The following KDM4C variants were observed in gnomAD, a reference collection of about 807,000 sequenced individuals.
The protein encoded by KDM4C is lysine-specific demethylase 4C.
In KDM4C, 81 loss-of-function variants were observed where a neutral mutation model predicts 129.3. The observed-to-expected ratio is 0.63, with a 90% CI of 0.52 to 0.75. The LOEUF is 0.75. KDM4C is among the 30% of genes least tolerant of loss of function. KDM4C has a pLI of 0.00. For synonymous variants in KDM4C, 573 were observed against 456.1 expected (o/e 1.26, Z -3.26); for missense variants, 1,457 against 1,304.0 (o/e 1.12, Z -1.81).
chr9:6,919,542 T>C (rs1324000053), intron 8 of KDM4C, among the ~76,000 whole-genome samples: 1 of 71,384 alleles, frequency 1.4e-5, no homozygotes, highest in Non-Finnish European at 3.4e-5. Context: ...TGTCTGTCTG[T>C]CTGTCTATCT....
Position 7,169,872 on chromosome 9 carries a change from G to C in KDM4C, c.2976G>C (p.Lys992Asn), listed in dbSNP as rs1380717549. Residue 992 changes from lysine (K) to asparagine (N), a missense_variant, in exon 21 of 22, where the codon AAG becomes AAC. Lys to Asn is a moderately conservative substitution (Grantham distance 94). Transcript: ENST00000381309. ...ACACTTTAGATGAAGAGTTACCCAA[G>C]AGAGTGAAAGCTCGATTTGTAAGTG... ...DIYTLDEELP[K>N]RVKARFSTAS... is the part of the protein sequence containing the mutation. 1.9e-6 allele frequency: 3 copies of C among 1,614,054 alleles called. No homozygotes were observed. The highest frequency in any genetic ancestry group is 2.5e-6 in the Non-Finnish European group (3 of 1,179,958).
At chr9:6,747,003 CAAAAAAAAAAAAAA>C (rs58512756) in intron 1 of KDM4C, among the ~76,000 whole-genome samples, 4 of 50,554 alleles carry the variant, frequency 7.9e-5, no homozygotes, top group African/African-American at 1.3e-4. Flanking sequence ...GACTCCGTCT[CAAAAAAAAAAAAAA>C]AAAAAAAAAA....
intron 16 of KDM4C, among the ~76,000 whole-genome samples, chr9:7,047,406 A>T (rs1210788741): frequency 6.6e-6 from 1 of 150,762 alleles, no homozygotes; most frequent in East Asian, 2.0e-4. Context: ...GAAAACATTG[A>T]TGTTAAGATT....
intron 19 of KDM4C, among the ~76,000 whole-genome samples, chr9:7,161,143 C>T (rs556020285): frequency 1.6e-4 from 25 of 152,336 alleles, no homozygotes; most frequent in African/African-American, 5.5e-4. Context: ...GAGCCAGGCA[C>T]GGGAGAGAAT....
At chr9:6,767,241 C>G (rs1053095823) in intron 1 of KDM4C, among the ~76,000 whole-genome samples, 2 of 151,966 alleles carry the variant, frequency 1.3e-5, no homozygotes, top group Non-Finnish European at 2.9e-5. Context: ...TGGGTTCACG[C>G]CATTCTCCTG....
chr9:7,108,991 G>A (rs977600261), intron 18 of KDM4C, among the ~76,000 whole-genome samples: 10 of 152,200 alleles, frequency 6.6e-5, no homozygotes, highest in Admixed American at 6.5e-5. Flanking sequence ...GATTGACAGG[G>A]AGAGACTCCA....
intron 8 of KDM4C, among the ~76,000 whole-genome samples, chr9:6,936,994 A>T (rs1348759373): frequency 6.6e-6 from 1 of 152,234 alleles, no homozygotes; most frequent in East Asian, 1.9e-4. Context: ...ATATCCCTGT[A>T]GTTACATATA....
At chr9:7,135,583 G>T (rs547209541) in intron 19 of KDM4C, among the ~76,000 whole-genome samples, 1 of 149,734 alleles carries the variant, frequency 6.7e-6, no homozygotes, top group Non-Finnish European at 1.5e-5. Context: ...GGAGTATCCA[G>T]TGATGTTGTC....
At chr9:6,972,339 A>T (rs1421493812) in intron 8 of KDM4C, among the ~76,000 whole-genome samples, 1 of 151,996 alleles carries the variant, frequency 6.6e-6, no homozygotes, top group East Asian at 1.9e-4. Context: ...TATTTTCTCT[A>T]CCTAATGGTA....
intron 1 of KDM4C, among the ~76,000 whole-genome samples, chr9:6,792,244 G>C (rs951923258): frequency 3.3e-5 from 5 of 152,038 alleles, no homozygotes; most frequent in African/African-American, 9.7e-5. Flanking sequence ...TGGGGAGGCT[G>C]AGGCAGGAAA....
chr9:6,867,540 G>GCATGTTTT (rs1274197316), intron 5 of KDM4C, among the ~76,000 whole-genome samples: 1 of 152,146 alleles, frequency 6.6e-6, no homozygotes, highest in Non-Finnish European at 1.5e-5. Context: ...CTTTATATGG[G>GCATGTTTT]CATGTTTTTC....
At position 7,173,644 on chromosome 9, in the gene KDM4C, C is replaced by A. The variant is rs1348908506; in HGVS notation, c.2995-909C>A. On this transcript the variant is annotated intron_variant, in intron 21 of 21. Coordinates refer to ENST00000381309, the MANE Select transcript of KDM4C (RefSeq NM_015061.6). ...GCTTCAAGGTACATGCAGGAGGAAT[C>A]CTGGACACGGTGGGGAAATGTCTAC... is the stretch of plus-strand genomic sequence containing the variant. 2.0e-5 allele frequency among the ~76,000 whole-genome samples: 3 copies of A among 152,186 alleles called. No individual in the cohort carries two copies. In the East Asian group the frequency reaches 5.8e-4, roughly 29 times the overall value.
chr9:6,774,501 C>T (rs141880615), intron 1 of KDM4C, among the ~76,000 whole-genome samples: 188 of 151,998 alleles, frequency 1.2e-3, no homozygotes, highest in African/African-American at 4.4e-3. Flanking sequence ...CCTGTCTCTA[C>T]TAAAAATACA....
At chr9:6,835,349 C>G (rs553074085) in intron 4 of KDM4C, 2 of 1,026,990 alleles carry the variant, frequency 1.9e-6, no homozygotes, top group East Asian at 2.4e-5. Flanking sequence ...ACATTGCTGT[C>G]TGGCGGCACC....
Position 6,958,937 on chromosome 9 carries a change from C to T in KDM4C, c.922-21988C>T, listed in dbSNP as rs566225943. ...TGTTGGGATTACAGGCGTGAGCCAC[C>T]ATGCCCAGCCTATGTGTAATGTTAT... On this transcript the variant is annotated intron_variant, in intron 8 of 21. Coordinates refer to ENST00000381309, the MANE Select transcript of KDM4C (RefSeq NM_015061.6). Among the ~76,000 whole-genome samples, 6 of 152,266 alleles carry T rather than the reference C, an allele frequency of 3.9e-5. No individual in the cohort carries two copies. The South Asian group carries it at 1.2e-3, about 32-fold the overall frequency.
At chr9:6,803,228 G>T (rs1449268117) in intron 2 of KDM4C, among the ~76,000 whole-genome samples, 1 of 152,134 alleles carries the variant, frequency 6.6e-6, no homozygotes, top group Non-Finnish European at 1.5e-5. Flanking sequence ...CTGTGTGCTT[G>T]TGATTATGCA....
intron 14 of KDM4C, among the ~76,000 whole-genome samples, chr9:7,015,437 T>C (rs995881142): frequency 5.3e-5 from 8 of 152,190 alleles, no homozygotes; most frequent in African/African-American, 1.2e-4. Context: ...ATTTGCAGCA[T>C]TTGCCCTATC....
chr9:7,057,653 C>G (rs139530524), intron 17 of KDM4C, among the ~76,000 whole-genome samples: 62 of 152,284 alleles, frequency 4.1e-4, no homozygotes, highest in African/African-American at 1.4e-3. Flanking sequence ...TTTTATAACA[C>G]TGTTAAGAAC....
chr9:6,899,413 A>C (rs1372395906), intron 8 of KDM4C, among the ~76,000 whole-genome samples: 2 of 152,158 alleles, frequency 1.3e-5, no homozygotes, highest in Non-Finnish European at 2.9e-5. Flanking sequence ...CGTAGTTTAC[A>C]TTAGGGCTCA....
Sources: gnomAD v4.1 joint callset for allele counts (sites outside exome capture counted in the v4.1 genomes callset) on GRCh38, gnomAD v4.1.1 for gene constraint, MANE v1.5 for transcripts, NCBI Gene and HGNC (gene_info 2026-07-23, HGNC 2026-07-21) for gene names.